Variants in JAKMIP2 observed in about 807,000 individuals in gnomAD.
JAKMIP2 encodes the protein janus kinase and microtubule interacting protein 2.
Under a neutral mutation model 115.0 loss-of-function variants are expected in JAKMIP2, and 25 were observed. That is an observed-to-expected ratio of 0.22 (90% CI 0.16 to 0.30). The LOEUF is 0.30. JAKMIP2 is among the 10% of genes least tolerant of loss of function. The pLI is 1.00. For synonymous variants in JAKMIP2, 334 were observed against 343.6 expected, an observed-to-expected ratio of 0.97 and a Z score of 0.31; for missense variants, 642 against 957.6, an observed-to-expected ratio of 0.67 and a Z score of 4.35.
intron 2 of JAKMIP2, among the ~76,000 whole-genome samples, chr5:147,670,011 T>C (rs1483972355): frequency 6.6e-6 from 1 of 152,204 alleles, no homozygotes; most frequent in African/African-American, 2.4e-5. Context: ...CACTGTGACA[T>C]TTAAATTCAT....
chr5:147,735,035 A>G (rs911862495), intron 1 of JAKMIP2, among the ~76,000 whole-genome samples: 3 of 152,184 alleles, frequency 2.0e-5, no homozygotes, highest in Admixed American at 6.5e-5. Flanking sequence ...AGAGGGTCAG[A>G]CAGGAAACAC....
chr5:147,701,281 G>C (rs1380097844), intron 1 of JAKMIP2, among the ~76,000 whole-genome samples: 1 of 152,164 alleles, frequency 6.6e-6, no homozygotes, highest in African/African-American at 2.4e-5. Context: ...AGTGGAGACA[G>C]AATATTTTAA....
intron 1 of JAKMIP2, among the ~76,000 whole-genome samples, chr5:147,747,231 G>T (rs1754379715): frequency 6.6e-6 from 1 of 152,012 alleles, no homozygotes; most frequent in Non-Finnish European, 1.5e-5. Context: ...GCTTGGCCAG[G>T]CAATCAACCC....
rs76906953 is a variant in JAKMIP2 at position 147,750,633 on chromosome 5, G to C, written c.-149+31823C>G. On this transcript the variant is annotated intron_variant, in intron 1 of 21. Transcript: ENST00000616793. ...TTACATGAAATTGCAGCATTTGAAG[G>C]TTTCTATTATGAACTGCACTGTGTT... Among the ~76,000 whole-genome samples, 1,144 of 151,358 alleles carry C rather than the reference G, an allele frequency of 7.6e-3. 25 individuals are homozygous for C. Among genetic ancestry groups the C allele is most frequent in the African/African-American group, 0.014 (593 of 41,286 alleles).
intron 20 of JAKMIP2, among the ~76,000 whole-genome samples, chr5:147,610,218 G>T (rs1311979598): frequency 6.6e-6 from 1 of 152,046 alleles, no homozygotes; most frequent in Non-Finnish European, 1.5e-5. Context: ...ATCCAGTTTT[G>T]TTCCCTTGTT....
At chr5:147,642,152 A>C (rs1373918307) in intron 7 of JAKMIP2, among the ~76,000 whole-genome samples, 1 of 152,212 alleles carries the variant, frequency 6.6e-6, no homozygotes, top group Non-Finnish European at 1.5e-5. Context: ...CAATAAAGTA[A>C]AACCGTATTC....
At position 147,593,022 on chromosome 5, in the gene JAKMIP2, G is replaced by A. The variant is rs561571081; in HGVS notation, c.*21-1336C>T. 2.0e-3 allele frequency among the ~76,000 whole-genome samples: 307 copies of A among 152,314 alleles called. 1 individual carries two copies. Among genetic ancestry groups the A allele is most frequent in the South Asian group, 0.013 (63 of 4,820 alleles). Reference sequence around the variant, plus strand: ...GAATGAGGAGGAGGTACGAAGAGGCGTAAAGATATTGATGGTGGATTCACA... The same window carrying A: ...GAATGAGGAGGAGGTACGAAGAGGCATAAAGATATTGATGGTGGATTCACA... On this transcript the variant is annotated intron_variant, in intron 21 of 21. Coordinates refer to ENST00000616793, the MANE Select transcript of JAKMIP2 (RefSeq NM_001270941.2).
intron 1 of JAKMIP2, among the ~76,000 whole-genome samples, chr5:147,672,416 A>G (rs1032663298): frequency 4.6e-5 from 7 of 152,238 alleles, no homozygotes; most frequent in African/African-American, 1.2e-4. Context: ...GGGAATAACT[A>G]TAAATGAATC....
chr5:147,711,316 T>G (rs1373717712), intron 1 of JAKMIP2, among the ~76,000 whole-genome samples: 1 of 152,220 alleles, frequency 6.6e-6, no homozygotes, highest in East Asian at 1.9e-4. Flanking sequence ...CTTACTCTAT[T>G]AATTTACTCA....
intron 1 of JAKMIP2, among the ~76,000 whole-genome samples, chr5:147,745,652 ACT>A (rs1379946905): frequency 6.6e-6 from 1 of 152,072 alleles, no homozygotes; most frequent in Non-Finnish European, 1.5e-5. Context: ...CAAAGAATAG[ACT>A]CTCATCTGCT....
intron 5 of JAKMIP2, among the ~76,000 whole-genome samples, chr5:147,648,098 T>G (rs1015119912): frequency 6.6e-6 from 1 of 152,152 alleles, no homozygotes. Flanking sequence ...TTAATGGTGA[T>G]AGACATCTAT....
chr5:147,673,831 A>G (rs1473218973), intron 1 of JAKMIP2, among the ~76,000 whole-genome samples: 1 of 152,134 alleles, frequency 6.6e-6, no homozygotes, highest in Non-Finnish European at 1.5e-5. Context: ...ATATATATAT[A>G]TATATCTATC....
intron 1 of JAKMIP2, among the ~76,000 whole-genome samples, chr5:147,764,920 A>AAGAG (rs531656100): frequency 7.1e-4 from 28 of 39,486 alleles, no homozygotes; most frequent in South Asian, 2.9e-3. Flanking sequence ...GAAAGAAAGA[A>AAGAG]AGAGAGAGAG....
intron 12 of JAKMIP2, among the ~76,000 whole-genome samples, chr5:147,634,541 T>A (rs1053134315): frequency 6.6e-6 from 1 of 152,096 alleles, no homozygotes; most frequent in Non-Finnish European, 1.5e-5. Flanking sequence ...GAATCAATGG[T>A]GGAATATTTC....
At chr5:147,636,133 C>T in intron 12 of JAKMIP2, 89 bp downstream of exon 12, 7 of 1,059,638 alleles carry the variant, frequency 6.6e-6, no homozygotes, top group East Asian at 2.4e-5. Flanking sequence ...TCCCCTGGCC[C>T]CTGTGCCACT....
chr5:147,733,030 T>A (rs1267321018), intron 1 of JAKMIP2, among the ~76,000 whole-genome samples: 1 of 152,222 alleles, frequency 6.6e-6, no homozygotes, highest in Non-Finnish European at 1.5e-5. Flanking sequence ...AAACAACTTA[T>A]AATTAACTCA....
intron 16 of JAKMIP2, among the ~76,000 whole-genome samples, chr5:147,627,822 G>T (rs1237775651): frequency 6.6e-6 from 1 of 151,728 alleles, no homozygotes; most frequent in South Asian, 2.1e-4. Flanking sequence ...AAAAACACCT[G>T]GTTAAGTGTC....
At chr5:147,679,684 T>C (rs1760159381) in intron 1 of JAKMIP2, among the ~76,000 whole-genome samples, 1 of 152,212 alleles carries the variant, frequency 6.6e-6, no homozygotes, top group African/African-American at 2.4e-5. Flanking sequence ...TTTACTTTTA[T>C]TAGTTTTTAG....
chr5:147,624,187 C>A (rs531504485), intron 16 of JAKMIP2, among the ~76,000 whole-genome samples: 1 of 152,262 alleles, frequency 6.6e-6, no homozygotes, highest in Non-Finnish European at 1.5e-5. Context: ...TGTATTCATT[C>A]ATTCACCCAT....
Sources: allele counts gnomAD v4.1 joint callset (sites outside exome capture counted in the v4.1 genomes callset), GRCh38; gene constraint gnomAD v4.1.1; transcripts MANE v1.5; gene names NCBI Gene and HGNC (gene_info 2026-07-23, HGNC 2026-07-21).